The following TCF7L1 variants were observed in gnomAD, a reference collection of about 807,000 sequenced individuals.
The protein encoded by TCF7L1 is transcription factor 7 like 1.
TCF7L1 carries 18 observed loss-of-function variants against 63.7 expected under a neutral mutation model. The ratio of observed to expected loss-of-function variants is 0.28; its 90% CI spans 0.20 to 0.42. The LOEUF (loss-of-function observed/expected upper bound fraction) is 0.42. Ranked by LOEUF, TCF7L1 falls within the 10% of genes least tolerant of loss-of-function variation. The pLI is 1.00. For missense variants in TCF7L1, 654 were observed against 779.3 expected (o/e 0.84, Z 1.91); for synonymous variants, 355 against 340.9 (o/e 1.04, Z -0.46).
intron 4 of TCF7L1, among the ~76,000 whole-genome samples, chr2:85,292,620 A>T (rs1390223458): frequency 1.3e-5 from 2 of 152,116 alleles, no homozygotes; most frequent in Admixed American, 1.3e-4. Flanking sequence ...TCTGTCACCC[A>T]GGCTGGAGTG....
In TCF7L1 at chr2:85,257,449, G is replaced by A. The variant is rs545011962; in HGVS notation, c.442-26046G>A. Among the ~76,000 whole-genome samples, 4 of 152,304 alleles carry A rather than the reference G, an allele frequency of 2.6e-5. No homozygotes were observed. The South Asian group carries it at 8.3e-4, about 32-fold the overall frequency. On this transcript the variant is annotated intron_variant, in intron 3 of 11. Coordinates refer to ENST00000282111, the MANE Select transcript of TCF7L1 (RefSeq NM_031283.3). ...CGCTGAGCTCCCACACCGCTGTTTGGAAACAGAATGAAGTTGCACAGCAGC... is the reference window on the plus strand; with the variant it reads ...CGCTGAGCTCCCACACCGCTGTTTGAAAACAGAATGAAGTTGCACAGCAGC...
intron 3 of TCF7L1, among the ~76,000 whole-genome samples, chr2:85,156,891 G>C (rs1355427463): frequency 3.9e-5 from 6 of 152,194 alleles, no homozygotes. Context: ...AAATATTTTG[G>C]TTAGAAATAT....
At chr2:85,208,099 G>C (rs1247278328) in intron 3 of TCF7L1, among the ~76,000 whole-genome samples, 1 of 152,040 alleles carries the variant, frequency 6.6e-6, no homozygotes, top group Non-Finnish European at 1.5e-5. Context: ...GTAGAGACAG[G>C]GTTTCACCGT....
intron 3 of TCF7L1, among the ~76,000 whole-genome samples, chr2:85,218,581 C>T (rs1052003260): frequency 2.0e-5 from 3 of 151,362 alleles, no homozygotes; most frequent in Non-Finnish European, 2.9e-5. Context: ...TGGTTCCAAA[C>T]ATCTATATTA....
chr2:85,290,866 C>T (rs1393574379), intron 4 of TCF7L1, among the ~76,000 whole-genome samples: 2 of 152,206 alleles, frequency 1.3e-5, no homozygotes, highest in African/African-American at 4.8e-5. Context: ...TCTTTGGCAC[C>T]ATTCATTCTC....
Position 85,134,793 on chromosome 2 carries a change from CT to C in TCF7L1, c.441+346del, listed in dbSNP as rs1412082800. Among the ~76,000 whole-genome samples, 1 of 152,148 alleles carries C rather than the reference CT, an allele frequency of 6.6e-6. No homozygotes were observed. The highest frequency in any genetic ancestry group is 1.9e-4 in the East Asian group (1 of 5,176). On this transcript the variant is annotated intron_variant, in intron 3 of 11. Coordinates refer to ENST00000282111, the MANE Select transcript of TCF7L1 (RefSeq NM_031283.3). This position sits in a 1 kb window ranked among gnomAD's most constrained non-coding sequence, Gnocchi z 5.0. ...GCTTTCCTTCTTGGAAATCGGTCAG[CT>C]TTCTCTGGCAGTGGGGCAAGGGGCC...
intron 3 of TCF7L1, among the ~76,000 whole-genome samples, chr2:85,158,471 G>T (rs1285899469): frequency 1.3e-5 from 2 of 152,184 alleles, no homozygotes; most frequent in Admixed American, 6.5e-5. Flanking sequence ...GTCTTGGGGT[G>T]ATATGAGCCT....
chr2:85,299,479 G>C (rs1170343414), intron 4 of TCF7L1, among the ~76,000 whole-genome samples: 3 of 147,662 alleles, frequency 2.0e-5, no homozygotes, highest in Non-Finnish European at 4.5e-5. Flanking sequence ...TTGAACCCAG[G>C]AGGCAGAGGT....
Position 85,192,483 on chromosome 2 carries a change from A to T in TCF7L1, c.441+58033A>T, listed in dbSNP as rs954657154. ...GCTCACTGCAACCTCCGCCTCCCGGATTCAAGCGATTCTCATGCGTCAGCC... is the reference window on the plus strand; with the variant it reads ...GCTCACTGCAACCTCCGCCTCCCGGTTTCAAGCGATTCTCATGCGTCAGCC... On this transcript the variant is annotated intron_variant, in intron 3 of 11. Coordinates refer to ENST00000282111, the MANE Select transcript of TCF7L1 (RefSeq NM_031283.3). Among the ~76,000 whole-genome samples, 3 of 151,782 alleles carry T rather than the reference A, an allele frequency of 2.0e-5. No homozygotes were observed. The South Asian group carries it at 6.3e-4, about 32-fold the overall frequency.
At chr2:85,272,245 T>G (rs1280991461) in intron 3 of TCF7L1, among the ~76,000 whole-genome samples, 1 of 152,152 alleles carries the variant, frequency 6.6e-6, no homozygotes, top group African/African-American at 2.4e-5. Context: ...AGGTTTCTGG[T>G]TAGGTACACT....
chr2:85,300,292 G>C (rs1460602584), intron 4 of TCF7L1, among the ~76,000 whole-genome samples: 1 of 152,110 alleles, frequency 6.6e-6, no homozygotes, highest in Non-Finnish European at 1.5e-5. Flanking sequence ...TCACCCTTTA[G>C]ACAAAGCTGT....
At chr2:85,208,107 C>T (rs1298229965) in intron 3 of TCF7L1, among the ~76,000 whole-genome samples, 1 of 152,050 alleles carries the variant, frequency 6.6e-6, no homozygotes, top group Non-Finnish European at 1.5e-5. Context: ...AGGGTTTCAC[C>T]GTGTTAGCCA....
intron 3 of TCF7L1, among the ~76,000 whole-genome samples, chr2:85,182,851 C>T (rs1678835068): frequency 6.6e-6 from 1 of 152,200 alleles, no homozygotes; most frequent in Non-Finnish European, 1.5e-5. Context: ...GTGTCAGAAT[C>T]ACCTGAGGAC....
chr2:85,292,774 C>T (rs991435480), intron 4 of TCF7L1, among the ~76,000 whole-genome samples: 5 of 152,144 alleles, frequency 3.3e-5, no homozygotes, highest in African/African-American at 9.7e-5. Context: ...GACGGGGTTT[C>T]GGCATGTTTG....
intron 3 of TCF7L1, among the ~76,000 whole-genome samples, chr2:85,173,484 G>A (rs533836555): frequency 6.5e-4 from 99 of 152,292 alleles, no homozygotes; most frequent in African/African-American, 2.4e-3. Flanking sequence ...TTACAGCACA[G>A]GGTACCTATT....
At chr2:85,210,387 G>A (rs1010731449) in intron 3 of TCF7L1, among the ~76,000 whole-genome samples, 1 of 152,228 alleles carries the variant, frequency 6.6e-6, no homozygotes, top group Non-Finnish European at 1.5e-5. Context: ...CATAGGGTTG[G>A]TGCTAGGTAG....
intron 7 of TCF7L1, 123 bp downstream of exon 7, chr2:85,304,461 C>T: frequency 1.1e-6 from 1 of 937,242 alleles, no homozygotes; most frequent in East Asian, 2.7e-5. Flanking sequence ...CCCCACCTCT[C>T]TTTGATCAAG....
At chr2:85,294,793 G>A (rs781238971) in intron 4 of TCF7L1, among the ~76,000 whole-genome samples, 4 of 152,094 alleles carry the variant, frequency 2.6e-5, no homozygotes, top group Non-Finnish European at 5.9e-5. Flanking sequence ...AGCACTTTGG[G>A]AATCTGAGGT....
At chr2:85,142,137 C>T (rs72838192) in intron 3 of TCF7L1, among the ~76,000 whole-genome samples, 4,309 of 152,250 alleles carry the variant, frequency 0.028, 92 homozygotes, top group Non-Finnish European at 0.038. Context: ...CATCAAAATA[C>T]GCTTTGTGTC....
Sources: allele counts gnomAD v4.1 joint callset (sites outside exome capture counted in the v4.1 genomes callset), GRCh38; gene constraint gnomAD v4.1.1; non-coding constraint Gnocchi (gnomAD v3.1); transcripts MANE v1.5; gene names NCBI Gene and HGNC (gene_info 2026-07-23, HGNC 2026-07-21).